Variants in PTPRZ1 observed in about 807,000 individuals in gnomAD.
PTPRZ1 encodes the protein protein tyrosine phosphatase receptor type Z1.
A neutral mutation model predicts 214.1 loss-of-function variants in PTPRZ1; 82 were observed. The ratio of observed to expected loss-of-function variants is 0.38; its 90% confidence interval spans 0.32 to 0.46. The LOEUF (loss-of-function observed/expected upper bound fraction) is 0.46, where lower values mean the gene tolerates loss of function less well. Among genes scored for constraint, PTPRZ1 ranks in the 20% least tolerant of loss-of-function variants. PTPRZ1 has a pLI of 1.00. For synonymous variants in PTPRZ1, 945 were observed against 987.9 expected (o/e 0.96, Z 0.81); for missense variants, 2,603 against 2,748.7 (o/e 0.95, Z 1.19).
chr7:121,948,192 A>C (rs970096907), intron 2 of PTPRZ1, among the ~76,000 whole-genome samples: 1 of 152,194 alleles, frequency 6.6e-6, no homozygotes, highest in African/African-American at 2.4e-5. Context: ...TAAATTGGTG[A>C]GTATCACCTG....
At position 121,890,163 on chromosome 7, in the gene PTPRZ1, T is replaced by C. The variant is rs536235451; in HGVS notation, c.58+16606T>C. On this transcript the variant is annotated intron_variant, in intron 1 of 29. Coordinates refer to ENST00000393386, the MANE Select transcript of PTPRZ1 (RefSeq NM_002851.3). ...CAGAAGTTGTACCTGAACCCCAGTG[T>C]CATATATTCAACTATCCATTTAGAT... 3.3e-5 allele frequency among the ~76,000 whole-genome samples: 5 copies of C among 152,268 alleles called. No homozygotes were observed. The East Asian group carries it at 9.7e-4, about 29-fold the overall frequency.
intron 13 of PTPRZ1, chr7:122,028,345 A>G (rs1006470501): frequency 8.2e-5 from 35 of 426,708 alleles, no homozygotes; most frequent in Non-Finnish European, 4.2e-6. Flanking sequence ...GCTCTTCTGC[A>G]TCTGCTACAG....
intron 3 of PTPRZ1, among the ~76,000 whole-genome samples, chr7:121,968,603 C>T (rs934951726): frequency 6.7e-6 from 1 of 149,818 alleles, no homozygotes; most frequent in East Asian, 1.9e-4. Flanking sequence ...CCTTAGGAAA[C>T]CCTCTCTAAG....
At chr7:121,953,392 A>G (rs991775019) in intron 2 of PTPRZ1, among the ~76,000 whole-genome samples, 8 of 152,242 alleles carry the variant, frequency 5.3e-5, no homozygotes, top group Non-Finnish European at 5.9e-5. Context: ...GAAAAGGTAG[A>G]TGAATGGAAA....
chr7:121,914,416 G>A (rs902186442), intron 1 of PTPRZ1, among the ~76,000 whole-genome samples: 1 of 152,096 alleles, frequency 6.6e-6, no homozygotes, highest in African/African-American at 2.4e-5. Flanking sequence ...GTATAGAAAA[G>A]GTTCCTCTGC....
intron 2 of PTPRZ1, among the ~76,000 whole-genome samples, chr7:121,938,539 A>G (rs1796153581): frequency 1.3e-5 from 2 of 152,232 alleles, no homozygotes. Flanking sequence ...CTGCCTTCCC[A>G]TAGAAATTGG....
intron 10 of PTPRZ1, among the ~76,000 whole-genome samples, chr7:122,000,631 T>G (rs1798287450): frequency 7.7e-6 from 1 of 129,896 alleles, no homozygotes; most frequent in Non-Finnish European, 1.6e-5. Context: ...ATTGCTGTCA[T>G]TCTTTGATAG....
chr7:121,925,164 ATCT>A (rs1037516313), intron 1 of PTPRZ1, among the ~76,000 whole-genome samples: 4 of 152,224 alleles, frequency 2.6e-5, no homozygotes, highest in African/African-American at 4.8e-5. Context: ...TTTGGCATAA[ATCT>A]TCTTATCTCT....
chr7:122,046,400 C>G (rs6954764), intron 23 of PTPRZ1, among the ~76,000 whole-genome samples: 3,250 of 151,962 alleles, frequency 0.021, 131 homozygotes, highest in African/African-American at 0.074. Flanking sequence ...AGAGTGAGAC[C>G]TTGTCTCTAA....
At chr7:122,007,040 T>C (rs1584734652) in intron 11 of PTPRZ1, among the ~76,000 whole-genome samples, 1 of 152,022 alleles carries the variant, frequency 6.6e-6, no homozygotes, top group South Asian at 2.1e-4. Context: ...ATAACCACAT[T>C]ATCTGGCCAC....
intron 21 of PTPRZ1, among the ~76,000 whole-genome samples, chr7:122,042,008 T>A (rs1184606260): frequency 2.6e-5 from 4 of 152,158 alleles, no homozygotes; most frequent in Non-Finnish European, 5.9e-5. Context: ...TTGAAAAGAA[T>A]CCCTGTCCGT....
chr7:121,921,146 A>T (rs1181225837), intron 1 of PTPRZ1, among the ~76,000 whole-genome samples: 2 of 151,160 alleles, frequency 1.3e-5, no homozygotes, highest in African/African-American at 4.8e-5. Flanking sequence ...ATATGTTTTA[A>T]CAAAAAATAA....
chr7:122,000,901 G>T (rs1798304090), intron 10 of PTPRZ1, among the ~76,000 whole-genome samples: 1 of 151,418 alleles, frequency 6.6e-6, no homozygotes. Context: ...GGCCAGGCTG[G>T]TCTCGAACTC....
intron 8 of PTPRZ1, among the ~76,000 whole-genome samples, chr7:121,987,555 G>A (rs745790913): frequency 2.0e-5 from 3 of 152,104 alleles, no homozygotes; most frequent in Non-Finnish European, 2.9e-5. Flanking sequence ...TTTCCCTGCA[G>A]CCTCACTAGA....
intron 1 of PTPRZ1, among the ~76,000 whole-genome samples, chr7:121,906,611 C>A (rs560036710): frequency 6.6e-6 from 1 of 152,076 alleles, no homozygotes; most frequent in African/African-American, 2.4e-5. Context: ...GCTGGCACCA[C>A]GTTTTCCAAA....
chr7:121,988,844 T>G (rs534516527), intron 8 of PTPRZ1, among the ~76,000 whole-genome samples: 172 of 152,330 alleles, frequency 1.1e-3, no homozygotes, highest in Non-Finnish European at 2.2e-3. Flanking sequence ...TTGCTGAACA[T>G]CCTTTAAATA....
At chr7:121,892,830 A>C (rs1453702042) in intron 1 of PTPRZ1, among the ~76,000 whole-genome samples, 1 of 151,172 alleles carries the variant, frequency 6.6e-6, no homozygotes, top group Non-Finnish European at 1.5e-5. Context: ...ATCAAGACTT[A>C]GCAATATGCT....
At chr7:121,920,110 T>G (rs1187198890) in intron 1 of PTPRZ1, among the ~76,000 whole-genome samples, 2 of 152,210 alleles carry the variant, frequency 1.3e-5, no homozygotes, top group African/African-American at 2.4e-5. Context: ...GCTTGGTGTT[T>G]TGTGCTTTTC....
At chr7:122,025,522 G>A (rs2116704688) in intron 13 of PTPRZ1, among the ~76,000 whole-genome samples, 1 of 151,730 alleles carries the variant, frequency 6.6e-6, no homozygotes, top group Non-Finnish European at 1.5e-5. Context: ...GTAGAGACAG[G>A]GTTTCTCCAT....
Sources: gnomAD v4.1 joint callset for allele counts (sites outside exome capture counted in the v4.1 genomes callset) on GRCh38, gnomAD v4.1.1 for gene constraint, MANE v1.5 for transcripts, NCBI Gene and HGNC (gene_info 2026-07-23, HGNC 2026-07-21) for gene names.